Variants in BRD10 observed in about 807,000 individuals in gnomAD.
The protein encoded by BRD10 is bromodomain containing 10.
At chr9:5,899,766 A>G in the BRD10 span, among the ~76,000 whole-genome samples, 3 of 152,190 alleles carry the variant, frequency 2.0e-5, no homozygotes, top group Non-Finnish European at 2.9e-5. Context: ...ACCACAACAG[A>G]GAATATTTCT....
At chr9:5,933,975 T>G in the BRD10 span, 3 of 362,238 alleles carry the variant, frequency 8.3e-6, no homozygotes, top group East Asian at 2.2e-4. Context: ...AGATACTTTG[T>G]ACATTAAACT....
chr9:5,952,981 T>C, the BRD10 span, among the ~76,000 whole-genome samples: 2 of 152,196 alleles, frequency 1.3e-5, no homozygotes, highest in Non-Finnish European at 2.9e-5. Flanking sequence ...AAATATTCTA[T>C]TCTACAGTAC....
At chr9:5,972,382 A>C in the BRD10 span, among the ~76,000 whole-genome samples, 1 of 152,336 alleles carries the variant, frequency 6.6e-6, no homozygotes, top group Non-Finnish European at 1.5e-5. Flanking sequence ...AGAAAATAAA[A>C]TAAAAACAGA....
the BRD10 span, among the ~76,000 whole-genome samples, chr9:5,898,442 C>T: frequency 3.3e-5 from 5 of 152,182 alleles, no homozygotes; most frequent in Non-Finnish European, 7.3e-5. Context: ...GCCCTTGTAA[C>T]TTAATCACCT....
the BRD10 span, chr9:5,906,775 G>A: frequency 4.8e-5 from 31 of 644,926 alleles, no homozygotes; most frequent in African/African-American, 4.9e-4. Context: ...GCAAGTAAGT[G>A]GCAGAACCTA....
the BRD10 span, among the ~76,000 whole-genome samples, chr9:5,912,273 A>C: frequency 6.6e-6 from 1 of 152,018 alleles, no homozygotes; most frequent in Non-Finnish European, 1.5e-5. Context: ...TTTTTGGTGG[A>C]GTCTTTAGGT....
At chr9:6,008,329 G>T in the BRD10 span, 1 of 985,000 alleles carries the variant, frequency 1.0e-6, no homozygotes, top group Non-Finnish European at 1.2e-6. Flanking sequence ...GGGGCCCGGC[G>T]ACAACTGTCA....
At chr9:5,888,704 G>A in the BRD10 span, among the ~76,000 whole-genome samples, 4 of 152,312 alleles carry the variant, frequency 2.6e-5, no homozygotes, top group Middle Eastern at 0.014. Flanking sequence ...AATCATCGAA[G>A]CTGATCCTCT....
chr9:5,977,757 C>T, the BRD10 span, among the ~76,000 whole-genome samples: 1 of 152,162 alleles, frequency 6.6e-6, no homozygotes, highest in Admixed American at 6.5e-5. Context: ...ATGGTGTGAA[C>T]CCAGGAGGCA....
the BRD10 span, among the ~76,000 whole-genome samples, chr9:5,914,409 G>GTTTTTTTTTTTTTTTTTTTTTTTTTTTTT: frequency 1.9e-5 from 2 of 106,924 alleles, 1 homozygote. Context: ...AAATCCAGAT[G>GTTTTTTTTTTTTTTTTTTTTTTTTTTTTT]GTTTTTTTTT....
the BRD10 span, among the ~76,000 whole-genome samples, chr9:5,895,687 G>A: frequency 2.0e-5 from 3 of 152,190 alleles, no homozygotes; most frequent in Non-Finnish European, 4.4e-5. Context: ...CACCTAAGAG[G>A]CTGATTGGGT....
the BRD10 span, chr9:5,920,700 C>A: frequency 5.6e-6 from 9 of 1,613,872 alleles, no homozygotes; most frequent in Non-Finnish European, 5.9e-6. Context: ...GGTACTGCTG[C>A]CGAATGTGGA....
the BRD10 span, among the ~76,000 whole-genome samples, chr9:5,982,828 G>C: frequency 1.3e-5 from 2 of 152,170 alleles, no homozygotes; most frequent in Non-Finnish European, 2.9e-5. Context: ...GTGGAGTTGA[G>C]GGGATAGAGA....
chr9:5,989,087 G>A, the BRD10 span, among the ~76,000 whole-genome samples: 96,401 of 151,388 alleles, frequency 0.64, 32,146 homozygotes, highest in Non-Finnish European at 0.76. Context: ...AAAATTAGCC[G>A]GGCGCGGTGG....
At chr9:5,947,984 T>C in the BRD10 span, among the ~76,000 whole-genome samples, 7 of 152,284 alleles carry the variant, frequency 4.6e-5, no homozygotes, top group East Asian at 1.9e-4. Flanking sequence ...TCAGGTCACA[T>C]TGCTAACACT....
chr9:5,977,314 C>T, the BRD10 span, among the ~76,000 whole-genome samples: 1 of 152,134 alleles, frequency 6.6e-6, no homozygotes. Context: ...TAGCCTCAGA[C>T]TATGAATACT....
At chr9:6,007,476 G>A in the BRD10 span, 1 of 1,611,514 alleles carries the variant, frequency 6.2e-7, no homozygotes. Context: ...CGCCCCCCAA[G>A]GGCTGCAGAA....
At chr9:5,964,258 C>CT in the BRD10 span, among the ~76,000 whole-genome samples, 3 of 146,392 alleles carry the variant, frequency 2.0e-5, no homozygotes, top group Non-Finnish European at 4.6e-5. Context: ...CATGAACAGA[C>CT]ACTTCTCAAA....
the BRD10 span, among the ~76,000 whole-genome samples, chr9:5,911,911 C>T: frequency 6.6e-6 from 1 of 152,120 alleles, no homozygotes; most frequent in South Asian, 2.1e-4. Flanking sequence ...GATTATTTTT[C>T]TATTTCTATG....
Sources: gnomAD v4.1 joint callset for allele counts (sites outside exome capture counted in the v4.1 genomes callset) on GRCh38, gnomAD v4.1.1 for gene constraint, MANE v1.5 for transcripts, NCBI Gene and HGNC (gene_info 2026-07-23, HGNC 2026-07-21) for gene names.